The following PAX2 variants were observed in gnomAD, a reference collection of about 807,000 sequenced individuals.
PAX2 encodes paired box protein Pax-2.
Under a neutral mutation model 41.7 loss-of-function variants are expected in PAX2, and 9 were observed. The observed-to-expected ratio is 0.22, with a 90% confidence interval of 0.13 to 0.38. PAX2 has a LOEUF of 0.38. Among genes scored for constraint, PAX2 ranks in the 10% least tolerant of loss-of-function variants. The probability of loss-of-function intolerance (pLI) is 1.00; values close to 1 mark genes in which losing one functional copy is unlikely to be tolerated. For synonymous variants in PAX2, 221 were observed against 212.7 expected, an observed-to-expected ratio of 1.04 and a Z score of -0.34; for missense variants, 418 against 531.6, an observed-to-expected ratio of 0.79 and a Z score of 2.10.
At position 100,748,171 on chromosome 10, in the gene PAX2, C is replaced by T. The variant is rs1321402079; in HGVS notation, c.44-1575C>T. On this transcript the variant is annotated intron_variant, in intron 1 of 9. Transcript: ENST00000355243. This position sits in a 1 kb window ranked among gnomAD's most constrained non-coding sequence, Gnocchi z 5.0. The stretch of plus-strand genomic sequence containing the variant: ...CTTAGACTGGGGCTGAGGGGCCGGG[C>T]CCTGAGCCCGGGGAGGCTGAATTAT... The T allele has an allele frequency of 1.0e-6, 1 of 985,054 alleles. No homozygotes were observed. The allele number at this position is 985,054 out of a possible 1,614,324, so 61.0% of individuals were successfully genotyped here.
chr10:100,752,630 G>C (rs540521576), intron 3 of PAX2, among the ~76,000 whole-genome samples: 4 of 152,198 alleles, frequency 2.6e-5, no homozygotes, highest in Admixed American at 6.5e-5. Context: ...TAAGAGAAAT[G>C]CTTGTTGTCA....
At position 100,748,608 on chromosome 10, in the gene PAX2, G is replaced by A; in HGVS notation, c.44-1138G>A. Reference sequence around the variant, plus strand: ...TGCGGCTACGGGTTGATCGCTCTGGGTGCAGGATTTCTAGACTGCTGTAGG... The same window carrying A: ...TGCGGCTACGGGTTGATCGCTCTGGATGCAGGATTTCTAGACTGCTGTAGG... On this transcript the variant is annotated intron_variant, in intron 1 of 9. Transcript: ENST00000355243. The surrounding 1 kb of genome is among the most constrained non-coding windows in gnomAD (Gnocchi z 5.0). 3.0e-6 allele frequency: 3 copies of A among 985,406 alleles called. No homozygotes were observed. The highest frequency in any genetic ancestry group is 3.6e-6 in the Non-Finnish European group (3 of 829,922). The allele number at this position is 985,406 out of a possible 1,614,324, so 61.0% of individuals were successfully genotyped here.
In PAX2 at chr10:100,828,940, C is replaced by T. The variant is rs1378080981; in HGVS notation, c.*1321C>T. On this transcript the variant is annotated 3_prime_UTR_variant, in exon 10 of 10. Coordinates refer to ENST00000355243, the MANE Select transcript of PAX2 (RefSeq NM_000278.5). This position sits in a 1 kb window ranked among gnomAD's most constrained non-coding sequence, Gnocchi z 6.5. ...CCCTCCGCCCCGCCCCGCCCGGCCC[C>T]GTAGAGTCCCTGTCGCCCGCCGGCC... 1 of 219,356 alleles carries T rather than the reference C, an allele frequency of 4.6e-6. No homozygotes were observed. The highest frequency in any genetic ancestry group is 9.1e-6 in the Non-Finnish European group (1 of 109,720). 13.6% of individuals were successfully genotyped at this position (219,356 alleles called of 1,614,324 possible). A position where few individuals can be genotyped will look rare whatever the true frequency, so the allele number is the denominator to read the frequency against.
At chr10:100,769,532 G>T (rs1846134985) in intron 3 of PAX2, among the ~76,000 whole-genome samples, 1 of 151,750 alleles carries the variant, frequency 6.6e-6, no homozygotes, top group East Asian at 1.9e-4. Flanking sequence ...GGAGGCTGAG[G>T]TTGCAGTGAA....
chr10:100,760,250 G>A (rs911262265), intron 3 of PAX2, among the ~76,000 whole-genome samples: 3 of 152,198 alleles, frequency 2.0e-5, no homozygotes, highest in African/African-American at 7.2e-5. Flanking sequence ...GTCAAACTGG[G>A]AGTTGGTGGT....
intron 5 of PAX2, among the ~76,000 whole-genome samples, chr10:100,785,097 A>G (rs2133906125): frequency 6.6e-6 from 1 of 152,312 alleles, no homozygotes; most frequent in African/African-American, 2.4e-5. Flanking sequence ...ATGGGTGGGC[A>G]TGTTAGTGCT....
chr10:100,822,353 A>G (rs1848401754), intron 7 of PAX2, among the ~76,000 whole-genome samples: 1 of 152,178 alleles, frequency 6.6e-6, no homozygotes, highest in East Asian at 1.9e-4. Context: ...ATATTCTAAT[A>G]TTTACATTTT....
intron 5 of PAX2, among the ~76,000 whole-genome samples, chr10:100,801,272 C>A (rs1847554016): frequency 6.6e-6 from 1 of 152,216 alleles, no homozygotes; most frequent in Non-Finnish European, 1.5e-5. Flanking sequence ...TCCCTACCTA[C>A]CTTGGAGAGT....
chr10:100,788,971 T>A (rs746094233), intron 5 of PAX2, among the ~76,000 whole-genome samples: 5 of 151,968 alleles, frequency 3.3e-5, no homozygotes, highest in Non-Finnish European at 4.4e-5. Flanking sequence ...TGCTCCCAGG[T>A]TTCTAAAGTG....
chr10:100,751,414 G>A (rs530870613), intron 3 of PAX2, among the ~76,000 whole-genome samples: 75 of 152,306 alleles, frequency 4.9e-4, no homozygotes, highest in African/African-American at 1.7e-3. Context: ...ACTGGGATCC[G>A]GGCTTGCAGA....
chr10:100,785,891 G>C (rs978185041), intron 5 of PAX2, among the ~76,000 whole-genome samples: 3 of 152,120 alleles, frequency 2.0e-5, no homozygotes, highest in Non-Finnish European at 4.4e-5. Flanking sequence ...TCACTAGTTG[G>C]GCAAGTCACC....
intron 1 of PAX2, chr10:100,749,434 C>T: frequency 3.3e-6 from 4 of 1,218,384 alleles, no homozygotes; most frequent in South Asian, 3.2e-5. Flanking sequence ...CATGAATTCC[C>T]CTTTGGCATT....
intron 5 of PAX2, among the ~76,000 whole-genome samples, chr10:100,788,547 C>G (rs1462938766): frequency 6.6e-6 from 1 of 152,176 alleles, no homozygotes; most frequent in Non-Finnish European, 1.5e-5. Flanking sequence ...GGTGGGCTTG[C>G]TCTGAACTGA....
At chr10:100,760,075 C>T (rs1393081514) in intron 3 of PAX2, among the ~76,000 whole-genome samples, 1 of 152,124 alleles carries the variant, frequency 6.6e-6, no homozygotes, top group Non-Finnish European at 1.5e-5. Flanking sequence ...TGCCTTAGTG[C>T]GTTTTCCCAA....
rs892280255 is a variant in PAX2, at chr10:100,828,050, G to A, written c.*431G>A. ...GCGGACCGCAGCGCGGCCCAGCCCC[G>A]GGCACCCGCCTCGGACGCTCGGGCG... On this transcript the variant is annotated 3_prime_UTR_variant, in exon 10 of 10. Coordinates refer to ENST00000355243, the MANE Select transcript of PAX2 (RefSeq NM_000278.5). The surrounding 1 kb of genome is among the most constrained non-coding windows in gnomAD (Gnocchi z 6.5). 15 of 239,264 alleles carry A rather than the reference G, an allele frequency of 6.3e-5. No individual in the cohort carries two copies. Among genetic ancestry groups the A allele is most frequent in the African/African-American group, 2.4e-4 (11 of 44,966 alleles). 14.8% of individuals were successfully genotyped at this position (239,264 alleles called of 1,614,324 possible). A position where few individuals can be genotyped will look rare whatever the true frequency, so the allele number is the denominator to read the frequency against.
intron 3 of PAX2, among the ~76,000 whole-genome samples, chr10:100,776,568 G>A (rs1846394693): frequency 1.3e-5 from 2 of 152,160 alleles, no homozygotes; most frequent in South Asian, 4.2e-4. Context: ...CACTCCTTAG[G>A]CCTCTTGTCT....
intron 5 of PAX2, among the ~76,000 whole-genome samples, chr10:100,782,061 C>T (rs908807701): frequency 6.6e-6 from 1 of 152,112 alleles, no homozygotes; most frequent in Non-Finnish European, 1.5e-5. Context: ...AATGTCGTGA[C>T]ATTGGGGGTC....
upstream of PAX2, among the ~76,000 whole-genome samples, chr10:100,740,787 T>C (rs74152636): frequency 2.7e-3 from 349 of 130,488 alleles, no homozygotes; most frequent in African/African-American, 9.3e-3. Flanking sequence ...AGGAGGTCCA[T>C]GGGTATCTAG....
rs545138970 is a variant in PAX2 at position 100,792,604 on chromosome 10, G to A, written c.616+11239G>A. ...GGGGAGAAGAGGGCAAAAGGATAGC[G>A]AAGGATGCTCAGAAATTGCTGACTG... On this transcript the variant is annotated intron_variant, in intron 5 of 9. Coordinates refer to ENST00000355243, the MANE Select transcript of PAX2 (RefSeq NM_000278.5). Among the ~76,000 whole-genome samples the A allele has an allele frequency of 1.3e-3, 200 of 152,358 alleles. 1 individual carries two copies. The highest frequency in any genetic ancestry group is 4.7e-3 in the African/African-American group (194 of 41,586).
Sources: allele counts gnomAD v4.1 joint callset (sites outside exome capture counted in the v4.1 genomes callset), GRCh38; gene constraint gnomAD v4.1.1; non-coding constraint Gnocchi (gnomAD v3.1); transcripts MANE v1.5; gene names NCBI Gene and HGNC (gene_info 2026-07-23, HGNC 2026-07-21).